AZIN1: variants seen among roughly 807,000 people sequenced by gnomAD.
AZIN1 encodes antizyme inhibitor 1, also known as ornithine decarboxylase antizyme inhibitor.
In AZIN1, 12 loss-of-function variants were observed where a neutral mutation model predicts 47.4. The observed-to-expected ratio is 0.25, with a 90% confidence interval of 0.16 to 0.41. AZIN1 has a LOEUF of 0.41. Among genes scored for constraint, AZIN1 ranks in the 10% least tolerant of loss-of-function variants. AZIN1 has a pLI of 1.00. For synonymous variants in AZIN1, 155 were observed against 176.3 expected (o/e 0.88, Z 0.96); for missense variants, 410 against 532.4 (o/e 0.77, Z 2.26).
chr8:102,840,214 G>A (rs1812092614), intron 3 of AZIN1, among the ~76,000 whole-genome samples: 1 of 152,150 alleles, frequency 6.6e-6, no homozygotes, highest in Non-Finnish European at 1.5e-5. Flanking sequence ...TGGCAGTTCA[G>A]GATATAATTT....
At chr8:102,834,513 T>C (rs1252104513) in intron 7 of AZIN1, among the ~76,000 whole-genome samples, 153 bp downstream of exon 7, 2 of 152,230 alleles carry the variant, frequency 1.3e-5, no homozygotes, top group Non-Finnish European at 2.9e-5. Context: ...AAGGTGTGAC[T>C]GTACAGAGCT....
intron 1 of AZIN1, among the ~76,000 whole-genome samples, chr8:102,858,878 A>G (rs1177974454): frequency 1.3e-5 from 2 of 152,234 alleles, no homozygotes; most frequent in African/African-American, 2.4e-5. Flanking sequence ...GGTGAGTTTT[A>G]GACATTGTTA....
intron 1 of AZIN1, among the ~76,000 whole-genome samples, chr8:102,862,657 C>T (rs1813759150): frequency 6.6e-6 from 1 of 152,204 alleles, no homozygotes; most frequent in Non-Finnish European, 1.5e-5. Context: ...TGATGCACCT[C>T]TACATCAACC....
intron 2 of AZIN1, among the ~76,000 whole-genome samples, chr8:102,853,138 T>C (rs572875082): frequency 1.1e-4 from 16 of 152,334 alleles, no homozygotes; most frequent in African/African-American, 3.4e-4. Context: ...AACACACAGA[T>C]TGGTAGTCAG....
intron 3 of AZIN1, among the ~76,000 whole-genome samples, chr8:102,842,693 GGA>G (rs1210676822): frequency 6.7e-6 from 1 of 148,578 alleles, no homozygotes; most frequent in African/African-American, 2.5e-5. Context: ...GGATACAGAG[GGA>G]GACTCCATCT....
chr8:102,833,246 T>A (rs1811586008), intron 8 of AZIN1, 28 bp from the exon 9 acceptor site: 1 of 1,589,848 alleles, frequency 6.3e-7, no homozygotes, highest in Non-Finnish European at 8.6e-7. Context: ...CACAGTATGG[T>A]TTCAATATTG....
At chr8:102,851,262 A>G (rs1271372997) in intron 2 of AZIN1, among the ~76,000 whole-genome samples, 1 of 152,246 alleles carries the variant, frequency 6.6e-6, no homozygotes, top group Non-Finnish European at 1.5e-5. Context: ...ACAATTAAGC[A>G]TAGGGAATAA....
intron 2 of AZIN1, among the ~76,000 whole-genome samples, chr8:102,848,485 T>C (rs1812726501): frequency 6.6e-6 from 1 of 152,234 alleles, no homozygotes; most frequent in African/African-American, 2.4e-5. Flanking sequence ...GCTATCCTCC[T>C]GTCTCTGCCT....
Position 102,829,372 on chromosome 8 carries a change from G to A in AZIN1, c.1135C>T (p.Leu379Phe). 6.2e-7 allele frequency: 1 copy of A among 1,613,968 alleles called. No homozygotes were observed. The highest frequency in any genetic ancestry group is 8.5e-7 in the Non-Finnish European group (1 of 1,179,912). Residue 379 changes from leucine (L) to phenylalanine (F), a missense_variant, in exon 11 of 12, where the codon CTT becomes TTT. Leu to Phe is a conservative substitution (Grantham distance 22). Coordinates refer to ENST00000337198, the MANE Select transcript of AZIN1 (RefSeq NM_148174.4). ...TCTGCTCCCATGTTATCAAAGATAAGCCAATCTCCCACATTCAGCTCAGGA... is the reference window on the plus strand; with the variant it reads ...TCTGCTCCCATGTTATCAAAGATAAACCAATCTCCCACATTCAGCTCAGGA... ...LLPELNVGDW[L>F]IFDNMGADSF...
chr8:102,827,549 G>A lies in AZIN1; in HGVS notation c.*1018C>T, dbSNP rs1267884571. On this transcript the variant is annotated 3_prime_UTR_variant, in exon 12 of 12. Transcript: ENST00000337198. ...AAAGAGCAACAGGTTTCTGGATAAA[G>A]ATGTAGCCCTTCTTTAAGTTTTAGT... The A allele has an allele frequency of 6.6e-6, 1 of 152,146 alleles. No individual in the cohort carries two copies. The highest frequency in any genetic ancestry group is 1.5e-5 in the Non-Finnish European group (1 of 67,992). The allele number at this position is 152,146 out of a possible 1,614,324, so 9.4% of individuals were successfully genotyped here. A position where few individuals can be genotyped will look rare whatever the true frequency, so the allele number is the denominator to read the frequency against.
At chr8:102,856,574 AGAGACAC>A (rs1364128338) in intron 2 of AZIN1, among the ~76,000 whole-genome samples, 1 of 152,254 alleles carries the variant, frequency 6.6e-6, no homozygotes, top group African/African-American at 2.4e-5. Context: ...CTTTAAAGCA[AGAGACAC>A]GAATTAAAAG....
intron 2 of AZIN1, among the ~76,000 whole-genome samples, chr8:102,847,348 C>CT (rs1271761281): frequency 2.2e-5 from 2 of 89,250 alleles, no homozygotes; most frequent in African/African-American, 1.1e-4. Context: ...GAACCCATCT[C>CT]TTAAAAAAAA....
At chr8:102,857,090 C>T (rs1389940607) in intron 2 of AZIN1, among the ~76,000 whole-genome samples, 1 of 152,186 alleles carries the variant, frequency 6.6e-6, no homozygotes, top group African/African-American at 2.4e-5. Flanking sequence ...ATAGGAAACC[C>T]TCTAGCCAAC....
At chr8:102,862,588 A>T (rs1447856536) in intron 1 of AZIN1, among the ~76,000 whole-genome samples, 1 of 152,220 alleles carries the variant, frequency 6.6e-6, no homozygotes, top group African/African-American at 2.4e-5. Context: ...ATCATGAGCC[A>T]TGTTTCTGCC....
At chr8:102,842,447 T>C (rs950147230) in intron 3 of AZIN1, among the ~76,000 whole-genome samples, 1 of 152,064 alleles carries the variant, frequency 6.6e-6, no homozygotes, top group African/African-American at 2.4e-5. Flanking sequence ...GGCTCACGCC[T>C]GTAATCCCAG....
chr8:102,836,330 A>T lies in AZIN1; in HGVS notation c.510T>A (p.Phe170Leu). 6.2e-7 allele frequency: 1 copy of T among 1,613,680 alleles called. No individual in the cohort carries two copies. Among genetic ancestry groups the T allele is most frequent in the South Asian group, 1.1e-5 (1 of 91,084 alleles). The stretch of plus-strand genomic sequence containing the variant: ...GCCTACAGTTCTTCAGGGTAGTGCC[A>T]AACTTCATGTTACCCTCTTCACCTC... ...NIGGEEGNMK[F>L]GTTLKNCRHL... Residue 170 changes from phenylalanine to leucine, a missense_variant, in exon 6 of 12, where the codon TTT becomes TTA. By Grantham distance (22) the Phe-to-Leu change is conservative. Coordinates refer to ENST00000337198, the MANE Select transcript of AZIN1 (RefSeq NM_148174.4).
chr8:102,844,342 C>A (rs1487356027), intron 2 of AZIN1, among the ~76,000 whole-genome samples: 1 of 117,912 alleles, frequency 8.5e-6, no homozygotes, highest in Non-Finnish European at 1.8e-5. Flanking sequence ...CTCCGTCTCT[C>A]CTAAAAAAAA....
At position 102,828,390 on chromosome 8, in the gene AZIN1, C is replaced by T; in HGVS notation, c.*177G>A. ...ATACATTATCTAAATCTCCCATTAT[C>T]CCCAATGAATTATAGATGAAAGCTG... On this transcript the variant is annotated 3_prime_UTR_variant, in exon 12 of 12. Transcript: ENST00000337198. 1 of 467,588 alleles carries T rather than the reference C, an allele frequency of 2.1e-6. No individual in the cohort carries two copies. Among genetic ancestry groups the T allele is most frequent in the South Asian group, 4.0e-5 (1 of 24,878 alleles). The allele number at this position is 467,588 out of a possible 1,614,324, so 29.0% of individuals were successfully genotyped here. A position where few individuals can be genotyped will look rare whatever the true frequency, so the allele number is the denominator to read the frequency against.
In AZIN1 at chr8:102,826,395, A is replaced by G. The variant is rs1811114071; in HGVS notation, c.*2172T>C. 6.5e-6 allele frequency: 1 copy of G among 152,676 alleles called. No homozygotes were observed. The highest frequency in any genetic ancestry group is 1.5e-5 in the Non-Finnish European group (1 of 68,042). The allele number at this position is 152,676 out of a possible 1,614,324, so 9.5% of individuals were successfully genotyped here. A position where few individuals can be genotyped will look rare whatever the true frequency, so the allele number is the denominator to read the frequency against. ...CATTTATCTATGTATTCAGAATCACACACAAGTTACCTTTACAGTTCAATT... is the reference window on the plus strand; with the variant it reads ...CATTTATCTATGTATTCAGAATCACGCACAAGTTACCTTTACAGTTCAATT... On this transcript the variant is annotated 3_prime_UTR_variant, in exon 12 of 12. Coordinates refer to ENST00000337198, the MANE Select transcript of AZIN1 (RefSeq NM_148174.4).
Sources: gnomAD v4.1 joint callset for allele counts (sites outside exome capture counted in the v4.1 genomes callset) on GRCh38, gnomAD v4.1.1 for gene constraint, MANE v1.5 for transcripts, NCBI Gene and HGNC (gene_info 2026-07-23, HGNC 2026-07-21) for gene names.